The following SEMA6B variants were observed in gnomAD, a reference collection of about 807,000 sequenced individuals.
SEMA6B encodes semaphorin-6B.
SEMA6B carries 47 observed loss-of-function variants against 78.6 expected under a neutral mutation model. That is an observed-to-expected ratio of 0.60 (90% CI 0.47 to 0.76). SEMA6B has a LOEUF of 0.76. Among genes scored for constraint, SEMA6B ranks in the 30% least tolerant of loss-of-function variants. The pLI is 0.00. For missense variants in SEMA6B, 1,213 were observed against 1,269.9 expected (o/e 0.96, Z 0.68); for synonymous variants, 632 against 592.2 (o/e 1.07, Z -0.98).
chr19:4,544,026 A>T lies in SEMA6B; in HGVS notation c.2242T>A (p.Ser748Thr). The change falls in exon 17 of 17, where the codon TCC becomes ACC. Residue 748 changes from serine to threonine, a missense_variant. Coordinates refer to ENST00000586582, the MANE Select transcript of SEMA6B (RefSeq NM_032108.4). The surrounding 1 kb of genome is among the most constrained non-coding windows in gnomAD (Gnocchi z 5.1). ...GCGGGCGCCAGCAGCAGGAGGGAGGATGAAGCGGAGGCCGGGAGCAGGGGG... is the reference window on the plus strand; with the variant it reads ...GCGGGCGCCAGCAGCAGGAGGGAGGTTGAAGCGGAGGCCGGGAGCAGGGGG... ...GHPLLPASAS[S>T]SLLLLAPARA... 3 of 1,213,892 alleles carry T rather than the reference A, an allele frequency of 2.5e-6. No homozygotes were observed. Among genetic ancestry groups the T allele is most frequent in the Non-Finnish European group, 3.1e-6 (3 of 977,718 alleles). 75.2% of individuals were successfully genotyped at this position (1,213,892 alleles called of 1,614,324 possible). A position where few individuals can be genotyped will look rare whatever the true frequency, so the allele number is the denominator to read the frequency against.
rs1323550859 is a variant in SEMA6B at position 4,544,052 on chromosome 19, T to C, written c.2216A>G (p.His739Arg). ...ALGPRAWDHG[H>R]PLLPASASSS... The stretch of plus-strand genomic sequence containing the variant: ...TGAAGCGGAGGCCGGGAGCAGGGGG[T>C]GGCCGTGGTCCCAGGCGCGGGGGCC... The change falls in exon 17 of 17, where the codon CAC (histidine) becomes CGC (arginine). Residue 739 changes from histidine to arginine, a missense_variant. By Grantham distance (29) the His-to-Arg change is conservative. Transcript: ENST00000586582. This position sits in a 1 kb window ranked among gnomAD's most constrained non-coding sequence, Gnocchi z 5.1. 3 of 1,216,522 alleles carry C rather than the reference T, an allele frequency of 2.5e-6. No individual in the cohort carries two copies. In the African/African-American group the frequency reaches 4.9e-5, roughly 20 times the overall value. The allele number at this position is 1,216,522 out of a possible 1,614,324, so 75.4% of individuals were successfully genotyped here.
At chr19:4,556,896 T>G in intron 5 of SEMA6B, 55 bp downstream of exon 5, 9 of 1,516,544 alleles carry the variant, frequency 5.9e-6, no homozygotes, top group Non-Finnish European at 7.2e-6. Flanking sequence ...GGGCGGGGCA[T>G]GGGTAATGCC....
chr19:4,549,175 CTCTCTTTG>C (rs1203678646), intron 12 of SEMA6B, among the ~76,000 whole-genome samples: 5 of 152,090 alleles, frequency 3.3e-5, no homozygotes, highest in South Asian at 4.2e-4. Context: ...CAGTCTCTTT[CTCTCTTTG>C]TCTCTCTTCC....
At chr19:4,547,473 CG>C (rs1977200276) in intron 14 of SEMA6B, among the ~76,000 whole-genome samples, 2 of 152,332 alleles carry the variant, frequency 1.3e-5, no homozygotes, top group East Asian at 3.9e-4. Flanking sequence ...GCAATAACGG[CG>C]GGCAGGAAGC....
chr19:4,550,925 G>C lies in SEMA6B; in HGVS notation c.995C>G (p.Pro332Arg). ...GTCAAAGGCGCAGACAGCCGAGCCA[G>C]GGATGCTGAGGGGTTGGGATGAAAG... ...AVFSTPSNSI[P>R]GSAVCAFDLT... Residue 332 changes from proline to arginine, a missense_variant, in exon 11 of 17, where the codon CCT becomes CGT. Transcript: ENST00000586582. The surrounding 1 kb of genome is among the most constrained non-coding windows in gnomAD (Gnocchi z 6.6). The C allele has an allele frequency of 6.2e-7, 1 of 1,613,634 alleles. No individual in the cohort carries two copies. Among genetic ancestry groups the C allele is most frequent in the Non-Finnish European group, 8.5e-7 (1 of 1,179,982 alleles).
intron 9 of SEMA6B, among the ~76,000 whole-genome samples, chr19:4,554,088 CAG>C (rs1977408309): frequency 1.3e-5 from 2 of 149,018 alleles, no homozygotes; most frequent in Admixed American, 1.3e-4. Context: ...GACGGATGGA[CAG>C]GGGATGAAGG....
Position 4,544,947 on chromosome 19 carries a change from T to A in SEMA6B, c.1739-418A>T, listed in dbSNP as rs949978852. On this transcript the variant is annotated intron_variant, in intron 16 of 16. Coordinates refer to ENST00000586582, the MANE Select transcript of SEMA6B (RefSeq NM_032108.4). The surrounding 1 kb of genome is among the most constrained non-coding windows in gnomAD (Gnocchi z 5.1). ...ACGACTGGCCTTATTTTTATTATTT[T>A]TTAATTTTTTTTGTTTGTTTGTTTT... 2.0e-5 allele frequency among the ~76,000 whole-genome samples: 3 copies of A among 152,084 alleles called. No homozygotes were observed. The highest frequency in any genetic ancestry group is 4.4e-5 in the Non-Finnish European group (3 of 68,026).
At chr19:4,549,805 G>GT (rs1173717180) in intron 12 of SEMA6B, among the ~76,000 whole-genome samples, 1 of 151,924 alleles carries the variant, frequency 6.6e-6, no homozygotes, top group African/African-American at 2.4e-5. Context: ...TAGAGACGAG[G>GT]TTTCTCCATG....
intron 16 of SEMA6B, among the ~76,000 whole-genome samples, chr19:4,545,186 C>G (rs907292929): frequency 1.3e-5 from 2 of 151,282 alleles, no homozygotes; most frequent in South Asian, 4.2e-4. Flanking sequence ...ACTAAAAATA[C>G]AAATTTTAGC....
In SEMA6B at chr19:4,548,424, A is replaced by G. The variant is rs1399753943; in HGVS notation, c.1293T>C (p.Ala431=). ...TLMRHQLTRV[A]VDVGAGPWGN... ...CCCAGGGGCCGGCTCCCACGTCCAC[A>G]GCCACTCGAGTCAGCTGGTGCCTGG... The change falls in exon 13 of 17, where the codon GCT becomes GCC. Residue 431 remains alanine, a synonymous_variant. Transcript: ENST00000586582. The G allele has an allele frequency of 1.2e-6, 2 of 1,612,584 alleles. No individual in the cohort carries two copies. The highest frequency in any genetic ancestry group is 1.1e-5 in the South Asian group (1 of 91,078).
At chr19:4,554,522 G>A in intron 8 of SEMA6B, 46 bp from the exon 9 acceptor site, 4 of 1,448,432 alleles carry the variant, frequency 2.8e-6, no homozygotes, top group Non-Finnish European at 2.9e-6. Flanking sequence ...CATGACAAAG[G>A]GGGTTTCTGG....
chr19:4,550,806 G>A lies in SEMA6B; in HGVS notation c.1114C>T (p.Arg372Ter), dbSNP rs2145352034. Reference protein sequence around the residue: ...WTPVPEDQVPRPRPGCCAAPG... With the variant: ...WTPVPEDQVP ...GATGGAGGGGGTTCTCACCGGGGTC[G>A]AGGCACCTGATCCTCCGGCACCGGC... Residue 372 changes from arginine (R) to a stop codon, truncating the protein, a stop_gained, in exon 11 of 17, where the codon CGA becomes TGA. Coordinates refer to ENST00000586582, the MANE Select transcript of SEMA6B (RefSeq NM_032108.4). LOFTEE classifies it high-confidence loss of function. The surrounding 1 kb of genome is among the most constrained non-coding windows in gnomAD (Gnocchi z 6.6). 5.0e-6 allele frequency: 8 copies of A among 1,613,320 alleles called. No homozygotes were observed. Among genetic ancestry groups the A allele is most frequent in the Non-Finnish European group, 5.9e-6 (7 of 1,179,984 alleles).
chr19:4,546,750 G>A (rs1010026965), intron 14 of SEMA6B, among the ~76,000 whole-genome samples: 3 of 151,444 alleles, frequency 2.0e-5, no homozygotes, highest in Non-Finnish European at 4.4e-5. Context: ...TCAGCCCCCC[G>A]AGTAGCTGGG....
intron 4 of SEMA6B, 63 bp from the exon 5 acceptor site, chr19:4,557,076 T>C: frequency 6.3e-7 from 1 of 1,593,548 alleles, no homozygotes; most frequent in Non-Finnish European, 8.6e-7. Context: ...GACCCCGCCG[T>C]GCTGGGCCGA....
chr19:4,551,804 G>A (rs1395427239), intron 10 of SEMA6B, among the ~76,000 whole-genome samples: 1 of 150,446 alleles, frequency 6.6e-6, no homozygotes, highest in Non-Finnish European at 1.5e-5. Context: ...ACTCCAGCCT[G>A]GGCAACAAGA....
Position 4,546,394 on chromosome 19 carries a change from G to A in SEMA6B, c.1677C>T (p.Thr559=). The change falls in exon 15 of 17, where the codon ACC becomes ACT. Residue 559 remains threonine (T), a splice_region_variant and synonymous_variant. Coordinates refer to ENST00000586582, the MANE Select transcript of SEMA6B (RefSeq NM_032108.4). ...CCCACCTCCCTCTCCCGCAGTACCTGGTGCCCGGGCTGAGGAAGATGCAGG... is the reference window on the plus strand; with the variant it reads ...CCCACCTCCCTCTCCCGCAGTACCTAGTGCCCGGGCTGAGGAAGATGCAGG... ...DGSCIFLSPG[T]RAAFEQDVSG... is the part of the protein sequence containing the mutation. The A allele has an allele frequency of 3.2e-6, 5 of 1,584,356 alleles. No homozygotes were observed. Among genetic ancestry groups the A allele is most frequent in the Non-Finnish European group, 3.4e-6 (4 of 1,164,600 alleles).
At position 4,555,879 on chromosome 19, in the gene SEMA6B, G is replaced by T. The variant is rs891343565; in HGVS notation, c.471+109C>A. On this transcript the variant is annotated intron_variant, in intron 6 of 16. Transcript: ENST00000586582. This position sits in a 1 kb window ranked among gnomAD's most constrained non-coding sequence, Gnocchi z 6.1. ...GAGGCAGGGAGAGTATATCCAGGAA[G>T]GCTTCCTGGAGGAGGTGACACGGCC... 3 of 882,956 alleles carry T rather than the reference G, an allele frequency of 3.4e-6. No homozygotes were observed. Among genetic ancestry groups the T allele is most frequent in the Non-Finnish European group, 3.8e-6 (2 of 526,130 alleles). 54.7% of individuals were successfully genotyped at this position (882,956 alleles called of 1,614,324 possible). A position where few individuals can be genotyped will look rare whatever the true frequency, so the allele number is the denominator to read the frequency against.
Position 4,542,798 on chromosome 19 carries a change from G to A in SEMA6B, c.*803C>T. On this transcript the variant is annotated 3_prime_UTR_variant, in exon 17 of 17. Transcript: ENST00000586582. The stretch of plus-strand genomic sequence containing the variant: ...CCCCACCCACCTTCGCCGCCCCCCA[G>A]GCCCCCAAGCCCTTTAGACAGCTGC... The A allele has an allele frequency of 1.4e-6, 1 of 698,444 alleles. No homozygotes were observed. Among genetic ancestry groups the A allele is most frequent in the Non-Finnish European group, 2.6e-6 (1 of 383,446 alleles). 43.3% of individuals were successfully genotyped at this position (698,444 alleles called of 1,614,324 possible). A position where few individuals can be genotyped will look rare whatever the true frequency, so the allele number is the denominator to read the frequency against.
rs137904722 is a variant in SEMA6B at position 4,552,658 on chromosome 19, G to A, written c.772-19C>T. 3.2e-5 allele frequency: 50 copies of A among 1,581,996 alleles called. 1 individual carries two copies. The highest frequency in any genetic ancestry group is 2.7e-4 in the African/African-American group (20 of 74,622). Reference sequence around the variant, plus strand: ...CCACCACCTGGGCGTGACAGTGGACGGACGGGGGCCTGAGCTCTGTGTCCC... The same window carrying A: ...CCACCACCTGGGCGTGACAGTGGACAGACGGGGGCCTGAGCTCTGTGTCCC... On this transcript the variant is annotated intron_variant, in intron 9 of 16. Transcript: ENST00000586582. The surrounding 1 kb of genome is among the most constrained non-coding windows in gnomAD (Gnocchi z 7.4).
Sources: allele counts gnomAD v4.1 joint callset (sites outside exome capture counted in the v4.1 genomes callset), GRCh38; gene constraint gnomAD v4.1.1; non-coding constraint Gnocchi (gnomAD v3.1); transcripts MANE v1.5; gene names NCBI Gene and HGNC (gene_info 2026-07-23, HGNC 2026-07-21).